Variants in MDFIC2 observed in about 807,000 individuals in gnomAD.
The protein encoded by MDFIC2 is myoD family inhibitor domain-containing protein 2.
chr3:70,226,870 G>A (rs1701512547), intron 2 of MDFIC2, among the ~76,000 whole-genome samples: 1 of 152,114 alleles, frequency 6.6e-6, no homozygotes, highest in South Asian at 2.1e-4. Context: ...GGTAAGAAGT[G>A]GGATGGAAAA....
intron 3 of MDFIC2, among the ~76,000 whole-genome samples, chr3:70,202,768 A>G (rs1257782919): frequency 6.6e-6 from 1 of 152,132 alleles, no homozygotes; most frequent in Non-Finnish European, 1.5e-5. Flanking sequence ...GAGCAAAGTG[A>G]TACCCTAATG....
intron 2 of MDFIC2, among the ~76,000 whole-genome samples, chr3:70,279,554 C>A (rs1312520773): frequency 6.6e-6 from 1 of 152,174 alleles, no homozygotes; most frequent in Admixed American, 6.5e-5. Context: ...CCATCATCAC[C>A]TTTCCTGGCA....
chr3:70,266,463 C>G (rs1701917719), intron 2 of MDFIC2, among the ~76,000 whole-genome samples: 1 of 151,966 alleles, frequency 6.6e-6, no homozygotes, highest in African/African-American at 2.4e-5. Context: ...TTCTGTCACC[C>G]AGGCTGGAGA....
intron 2 of MDFIC2, among the ~76,000 whole-genome samples, chr3:70,287,541 C>A (rs1439183192): frequency 1.3e-5 from 2 of 151,716 alleles, no homozygotes; most frequent in African/African-American, 4.8e-5. Flanking sequence ...TGTCTCTGCC[C>A]GGCTTTGGTA....
At chr3:70,263,075 C>G (rs184173210) in intron 2 of MDFIC2, among the ~76,000 whole-genome samples, 7 of 152,068 alleles carry the variant, frequency 4.6e-5, no homozygotes, top group Non-Finnish European at 8.8e-5. Flanking sequence ...TTATGTTTGT[C>G]TTTCCTCTAT....
intron 2 of MDFIC2, among the ~76,000 whole-genome samples, chr3:70,232,959 G>A (rs1701575097): frequency 6.6e-6 from 1 of 152,150 alleles, no homozygotes; most frequent in South Asian, 2.1e-4. Flanking sequence ...AAGGCCAAGG[G>A]AGGCAGATCG....
chr3:70,272,094 A>C (rs1701981227), intron 2 of MDFIC2: 1 of 152,204 alleles, frequency 6.6e-6, no homozygotes, highest in Non-Finnish European at 1.5e-5. Flanking sequence ...AAATAACAAC[A>C]ATCCCCAAAT....
chr3:70,229,216 G>C (rs1701536406), intron 2 of MDFIC2, among the ~76,000 whole-genome samples: 1 of 152,172 alleles, frequency 6.6e-6, no homozygotes, highest in Admixed American at 6.5e-5. Flanking sequence ...TGTCAGAGGA[G>C]GAATGGTCAG....
chr3:70,296,441 CCA>C (rs976458730), intron 2 of MDFIC2, among the ~76,000 whole-genome samples: 1 of 151,918 alleles, frequency 6.6e-6, no homozygotes, highest in African/African-American at 2.4e-5. Context: ...ACACTGAGCC[CCA>C]GTTTATAGAA....
rs145754453 is a variant in MDFIC2 at position 70,222,416 on chromosome 3, C to G, written c.89-15626G>C. 4.3e-3 allele frequency among the ~76,000 whole-genome samples: 649 copies of G among 152,226 alleles called. 6 individuals carry two copies. Among genetic ancestry groups the G allele is most frequent in the Non-Finnish European group, 7.4e-3 (501 of 68,006 alleles). On this transcript the variant is annotated intron_variant, in intron 2 of 3. Transcript: ENST00000567252. The stretch of plus-strand genomic sequence containing the variant: ...TTATAGAAAACTATACATTTTAAAT[C>G]TATTTTAATAATTGGTATTTATGGA...
chr3:70,267,079 T>A (rs1701922795), intron 2 of MDFIC2, among the ~76,000 whole-genome samples: 2 of 152,258 alleles, frequency 1.3e-5, no homozygotes, highest in Middle Eastern at 3.4e-3. Context: ...TGAAGTTGGG[T>A]CACTCCCCAA....
chr3:70,227,450 C>CA (rs1303210386), intron 2 of MDFIC2, among the ~76,000 whole-genome samples: 10 of 152,260 alleles, frequency 6.6e-5, no homozygotes, highest in African/African-American at 2.4e-4. Context: ...GCAGGAAAAA[C>CA]AGACCACTGA....
At chr3:70,274,699 G>C (rs1026775074) in intron 2 of MDFIC2, among the ~76,000 whole-genome samples, 2 of 152,024 alleles carry the variant, frequency 1.3e-5, no homozygotes, top group African/African-American at 4.8e-5. Flanking sequence ...AACCACCATG[G>C]CACACATCTA....
intron 2 of MDFIC2, among the ~76,000 whole-genome samples, chr3:70,308,859 C>T (rs1476305502): frequency 6.6e-6 from 1 of 152,044 alleles, no homozygotes; most frequent in African/African-American, 2.4e-5. Context: ...TCAAGCAGTG[C>T]ACTCAGTGCT....
At chr3:70,231,551 G>C (rs1575602655) in intron 2 of MDFIC2, among the ~76,000 whole-genome samples, 1 of 152,190 alleles carries the variant, frequency 6.6e-6, no homozygotes, top group Non-Finnish European at 1.5e-5. Context: ...TGACTTGTTA[G>C]TTGTGCTGGA....
At chr3:70,215,169 A>G (rs1032129113) in intron 2 of MDFIC2, among the ~76,000 whole-genome samples, 1 of 152,132 alleles carries the variant, frequency 6.6e-6, no homozygotes, top group African/African-American at 2.4e-5. Flanking sequence ...GAAGCTCACA[A>G]CAGTTTTGCA....
At chr3:70,220,795 G>T (rs909839523) in intron 2 of MDFIC2, among the ~76,000 whole-genome samples, 1 of 152,132 alleles carries the variant, frequency 6.6e-6, no homozygotes, top group East Asian at 1.9e-4. Context: ...TCTCTGAAGC[G>T]TTCCTAGACT....
chr3:70,310,613 G>A (rs1421876977), intron 2 of MDFIC2, among the ~76,000 whole-genome samples: 4 of 151,940 alleles, frequency 2.6e-5, no homozygotes, highest in South Asian at 4.2e-4. Context: ...TGATCCACCC[G>A]CCTCGGCCTC....
intron 2 of MDFIC2, among the ~76,000 whole-genome samples, chr3:70,273,958 G>T (rs1030564171): frequency 6.6e-6 from 1 of 151,806 alleles, no homozygotes; most frequent in Non-Finnish European, 1.5e-5. Context: ...CACTGCACCC[G>T]GCCCAGAATT....
Sources: allele counts gnomAD v4.1 joint callset (sites outside exome capture counted in the v4.1 genomes callset), GRCh38; gene constraint gnomAD v4.1.1; transcripts MANE v1.5; gene names NCBI Gene and HGNC (gene_info 2026-07-23, HGNC 2026-07-21).